MAL2: variants seen among roughly 807,000 people sequenced by gnomAD.
MAL2 encodes protein MAL2.
A neutral mutation model predicts 18.1 loss-of-function variants in MAL2; 17 were observed. That is an observed-to-expected ratio of 0.94 (90% CI 0.64 to 1.41). The LOEUF is 1.41. Among genes scored for constraint, MAL2 ranks in the 40% most tolerant of loss-of-function variants. MAL2 has a pLI of 0.00. For synonymous variants in MAL2, 102 were observed against 102.3 expected (o/e 1.00, Z 0.02); for missense variants, 222 against 231.9 (o/e 0.96, Z 0.28).
At chr8:119,234,915 A>C (rs1370945324) in intron 2 of MAL2, among the ~76,000 whole-genome samples, 1 of 152,138 alleles carries the variant, frequency 6.6e-6, no homozygotes, top group East Asian at 1.9e-4. Flanking sequence ...TCCTCCTCCA[A>C]AGGAACGCAG....
chr8:119,235,319 T>A lies in MAL2; in HGVS notation c.304-4846T>A, dbSNP rs1817857250. Reference sequence around the variant, plus strand: ...ACTATGTGAAAAGACCAAATCTACGTCTGATTGGGGTACCTGAAAGTGATG... The same window carrying A: ...ACTATGTGAAAAGACCAAATCTACGACTGATTGGGGTACCTGAAAGTGATG... On this transcript the variant is annotated intron_variant, in intron 2 of 3. Transcript: ENST00000614891. Among the ~76,000 whole-genome samples, 2 of 152,118 alleles carry A rather than the reference T, an allele frequency of 1.3e-5. 1 individual carries two copies. The highest frequency in any genetic ancestry group is 4.2e-4 in the South Asian group (2 of 4,814).
intron 1 of MAL2, among the ~76,000 whole-genome samples, chr8:119,215,980 T>C (rs1452314394): frequency 6.6e-6 from 1 of 152,190 alleles, no homozygotes; most frequent in African/African-American, 2.4e-5. Context: ...GTATGTAAAA[T>C]ATAGCTAATT....
At chr8:119,231,412 TA>T (rs1817725925) in intron 2 of MAL2, among the ~76,000 whole-genome samples, 1 of 152,212 alleles carries the variant, frequency 6.6e-6, no homozygotes, top group African/African-American at 2.4e-5. Context: ...TCCTTTGTAA[TA>T]TTGCTATAAC....
intron 2 of MAL2, among the ~76,000 whole-genome samples, chr8:119,226,088 T>A (rs1472558581): frequency 1.3e-5 from 2 of 152,216 alleles, no homozygotes; most frequent in African/African-American, 4.8e-5. Context: ...TTCTGTAGGT[T>A]GCCTGTTCAC....
chr8:119,227,950 G>T (rs531240053), intron 2 of MAL2, among the ~76,000 whole-genome samples: 4 of 152,140 alleles, frequency 2.6e-5, no homozygotes, highest in Non-Finnish European at 5.9e-5. Context: ...TCCTGAGAGA[G>T]TCAGGGCCCC....
chr8:119,222,455 G>A (rs1047593349), intron 2 of MAL2, among the ~76,000 whole-genome samples: 25 of 151,532 alleles, frequency 1.6e-4, no homozygotes, highest in African/African-American at 5.6e-4. Flanking sequence ...ACTTGAACCC[G>A]GGAGGCAGTG....
intron 1 of MAL2, among the ~76,000 whole-genome samples, chr8:119,214,130 A>T (rs1817307396): frequency 6.6e-6 from 1 of 152,234 alleles, no homozygotes; most frequent in Non-Finnish European, 1.5e-5. Flanking sequence ...CCCTGTAATG[A>T]CAAAGGACAG....
chr8:119,212,029 A>G (rs926550250), intron 1 of MAL2, among the ~76,000 whole-genome samples: 2 of 152,220 alleles, frequency 1.3e-5, no homozygotes, highest in Non-Finnish European at 2.9e-5. Context: ...CCTATAACCT[A>G]GTTGAGAGTA....
At position 119,234,994 on chromosome 8, in the gene MAL2, G is replaced by A. The variant is rs531946902; in HGVS notation, c.304-5171G>A. Among the ~76,000 whole-genome samples the A allele has an allele frequency of 7.9e-5, 12 of 152,172 alleles. No homozygotes were observed. The East Asian group carries it at 2.1e-3, about 27-fold the overall frequency. On this transcript the variant is annotated intron_variant, in intron 2 of 3. Coordinates refer to ENST00000614891, the MANE Select transcript of MAL2 (RefSeq NM_052886.3). ...GACGAGCTGAGAGAAGAAGGCTTCA[G>A]ACGATCAAATTACTCTGAGCTACAG...
At chr8:119,234,557 C>G (rs1817830519) in intron 2 of MAL2, among the ~76,000 whole-genome samples, 1 of 152,138 alleles carries the variant, frequency 6.6e-6, no homozygotes, top group Non-Finnish European at 1.5e-5. Context: ...TTAAATGTCC[C>G]TGTCTGACAG....
chr8:119,240,662 T>A (rs1818029322), intron 3 of MAL2, among the ~76,000 whole-genome samples: 1 of 152,212 alleles, frequency 6.6e-6, no homozygotes, highest in Admixed American at 6.5e-5. Flanking sequence ...TTTCCAGTTT[T>A]GTTCTTTAGT....
chr8:119,236,411 C>G (rs965825278), intron 2 of MAL2, among the ~76,000 whole-genome samples: 3 of 151,570 alleles, frequency 2.0e-5, no homozygotes, highest in Non-Finnish European at 4.4e-5. Context: ...CAAGGATACC[C>G]AGGAATTGAA....
chr8:119,223,772 T>A (rs1255894469), intron 2 of MAL2: 1 of 152,206 alleles, frequency 6.6e-6, no homozygotes, highest in Non-Finnish European at 1.5e-5. Flanking sequence ...TCGAAAGGGC[T>A]TCTCTTTTTT....
rs559631389 is a variant in MAL2 at position 119,237,541 on chromosome 8, A to T, written c.304-2624A>T. On this transcript the variant is annotated intron_variant, in intron 2 of 3. Coordinates refer to ENST00000614891, the MANE Select transcript of MAL2 (RefSeq NM_052886.3). Reference sequence around the variant, plus strand: ...GAACATTGATGCAAAAATCGTCAATAAAATACTGGCAAAACGAATCCAGCA... The same window carrying T: ...GAACATTGATGCAAAAATCGTCAATTAAATACTGGCAAAACGAATCCAGCA... Among the ~76,000 whole-genome samples, 20 of 151,856 alleles carry T rather than the reference A, an allele frequency of 1.3e-4. No homozygotes were observed. In the South Asian group the frequency reaches 2.7e-3, roughly 20 times the overall value.
At position 119,220,145 on chromosome 8, in the gene MAL2, A is replaced by C. The variant is rs1441470735; in HGVS notation, c.133-1442A>C. On this transcript the variant is annotated intron_variant, in intron 1 of 3. Transcript: ENST00000614891. ...GGAGGAGACCAATGGTGATAGATGC[A>C]TAAAACTCATCTTCACACCATTTCT... Among the ~76,000 whole-genome samples, 3 of 152,220 alleles carry C rather than the reference A, an allele frequency of 2.0e-5. No homozygotes were observed. The East Asian group carries it at 5.8e-4, about 29-fold the overall frequency.
chr8:119,240,685 C>T (rs986283888), intron 3 of MAL2, among the ~76,000 whole-genome samples: 4 of 152,122 alleles, frequency 2.6e-5, no homozygotes, highest in African/African-American at 9.7e-5. Context: ...TCAATAGCTG[C>T]TTGCAATTTA....
chr8:119,221,021 T>C (rs968781085), intron 1 of MAL2: 2 of 152,934 alleles, frequency 1.3e-5, no homozygotes, highest in African/African-American at 4.8e-5. Context: ...GAAGTACTTA[T>C]TCCTATGTCG....
intron 2 of MAL2, among the ~76,000 whole-genome samples, chr8:119,231,013 G>A (rs1375357478): frequency 1.3e-5 from 2 of 151,872 alleles, no homozygotes; most frequent in African/African-American, 2.4e-5. Context: ...TATTTTAGAT[G>A]TGAGAACAGT....
At chr8:119,237,640 A>C (rs2129905530) in intron 2 of MAL2, among the ~76,000 whole-genome samples, 1 of 151,966 alleles carries the variant, frequency 6.6e-6, no homozygotes, top group South Asian at 2.1e-4. Flanking sequence ...AAATACATGC[A>C]AATCAATAAA....
Sources: gnomAD v4.1 joint callset for allele counts (sites outside exome capture counted in the v4.1 genomes callset) on GRCh38, gnomAD v4.1.1 for gene constraint, MANE v1.5 for transcripts, NCBI Gene and HGNC (gene_info 2026-07-23, HGNC 2026-07-21) for gene names.